The following RORB variants were observed in gnomAD, a reference collection of about 807,000 sequenced individuals.
RORB encodes nuclear receptor ROR-beta.
Under a neutral mutation model 59.1 loss-of-function variants are expected in RORB, and 6 were observed. The observed-to-expected ratio is 0.10, with a 90% CI of 0.06 to 0.20. RORB has a LOEUF of 0.20. RORB is among the 10% of genes least tolerant of loss of function. The probability of loss-of-function intolerance (pLI) is 1.00; values close to 1 mark genes in which losing one functional copy is unlikely to be tolerated. For missense variants in RORB, 320 were observed against 560.5 expected (o/e 0.57, Z 4.33); for synonymous variants, 215 against 204.5 (o/e 1.05, Z -0.44).
chr9:74,516,698 T>G (rs1826015667), intron 1 of RORB, among the ~76,000 whole-genome samples: 1 of 152,064 alleles, frequency 6.6e-6, no homozygotes, highest in African/African-American at 2.4e-5. Flanking sequence ...TCAACTTAAC[T>G]GACATATCAG....
At chr9:74,650,316 G>C (rs1286697215) in intron 4 of RORB, among the ~76,000 whole-genome samples, 1 of 152,200 alleles carries the variant, frequency 6.6e-6, no homozygotes, top group East Asian at 1.9e-4. Context: ...TCCACTGGCT[G>C]GGGTGAATGT....
intron 1 of RORB, among the ~76,000 whole-genome samples, chr9:74,528,879 G>T (rs980401097): frequency 6.6e-6 from 1 of 152,000 alleles, no homozygotes. Flanking sequence ...TTTCCATGAG[G>T]AAATGAGACT....
chr9:74,505,212 T>C (rs1825854291), intron 1 of RORB, among the ~76,000 whole-genome samples: 1 of 152,144 alleles, frequency 6.6e-6, no homozygotes, highest in African/African-American at 2.4e-5. Context: ...TTTGTTTTAA[T>C]ATTTTCAAAT....
intron 1 of RORB, among the ~76,000 whole-genome samples, chr9:74,579,424 A>G (rs1439436696): frequency 6.6e-6 from 1 of 151,998 alleles, no homozygotes; most frequent in East Asian, 1.9e-4. Flanking sequence ...AGCATTTTAA[A>G]CAGGCTGAAT....
chr9:74,650,337 T>C (rs991902669), intron 4 of RORB, among the ~76,000 whole-genome samples: 2 of 152,196 alleles, frequency 1.3e-5, no homozygotes, highest in Non-Finnish European at 2.9e-5. Flanking sequence ...ATTAGCCACA[T>C]TTTCAAGCAC....
chr9:74,562,356 C>A (rs1198401191), intron 1 of RORB, among the ~76,000 whole-genome samples: 2 of 152,122 alleles, frequency 1.3e-5, no homozygotes, highest in Non-Finnish European at 2.9e-5. Flanking sequence ...GTGATTCCTG[C>A]AATCTTCTCT....
At chr9:74,585,657 C>T (rs922168536) in intron 1 of RORB, among the ~76,000 whole-genome samples, 1 of 152,090 alleles carries the variant, frequency 6.6e-6, no homozygotes, top group Non-Finnish European at 1.5e-5. Context: ...CAACTAGTCC[C>T]TTTTTTCTCC....
At chr9:74,617,437 C>T (rs553125070) in intron 1 of RORB, among the ~76,000 whole-genome samples, 1 of 152,158 alleles carries the variant, frequency 6.6e-6, no homozygotes, top group Non-Finnish European at 1.5e-5. Flanking sequence ...TCGACATGTT[C>T]ATACAACAAC....
At chr9:74,583,877 A>T (rs969062809) in intron 1 of RORB, among the ~76,000 whole-genome samples, 1 of 152,246 alleles carries the variant, frequency 6.6e-6, no homozygotes, top group African/African-American at 2.4e-5. Context: ...ATAAAGCAGA[A>T]TTCAGCATTT....
chr9:74,526,386 C>T (rs1826156793), intron 1 of RORB, among the ~76,000 whole-genome samples: 1 of 151,868 alleles, frequency 6.6e-6, no homozygotes, highest in African/African-American at 2.4e-5. Flanking sequence ...ACTGGGCAGT[C>T]AGCAGTAGTG....
At chr9:74,664,669 A>G (rs1014151039) in intron 6 of RORB, among the ~76,000 whole-genome samples, 1 of 152,228 alleles carries the variant, frequency 6.6e-6, no homozygotes, top group African/African-American at 2.4e-5. Context: ...CGTATCAAAG[A>G]CAAGCAGAGA....
intron 4 of RORB, among the ~76,000 whole-genome samples, chr9:74,644,440 A>C (rs73650028): frequency 0.049 from 7,469 of 152,270 alleles, 371 homozygotes; most frequent in African/African-American, 0.13. Context: ...TATTTCTGTT[A>C]TACAGATGCT....
At chr9:74,572,005 G>A (rs1011780486) in intron 1 of RORB, among the ~76,000 whole-genome samples, 80 of 152,138 alleles carry the variant, frequency 5.3e-4, no homozygotes, top group African/African-American at 1.9e-3. Flanking sequence ...AGACCCCTGG[G>A]GAACTTTCTT....
At chr9:74,628,913 G>C (rs1485732063) in intron 1 of RORB, among the ~76,000 whole-genome samples, 1 of 152,054 alleles carries the variant, frequency 6.6e-6, no homozygotes, top group Non-Finnish European at 1.5e-5. Context: ...ATCTTACCAA[G>C]AGGTTCTATA....
At chr9:74,538,654 G>A (rs1826358536) in intron 1 of RORB, among the ~76,000 whole-genome samples, 1 of 150,912 alleles carries the variant, frequency 6.6e-6, no homozygotes, top group Non-Finnish European at 1.5e-5. Flanking sequence ...TTATATATGT[G>A]CATGTATGTA....
intron 1 of RORB, among the ~76,000 whole-genome samples, chr9:74,552,120 G>A (rs2025322): frequency 0.58 from 88,225 of 151,932 alleles, 26,490 homozygotes; most frequent in African/African-American, 0.72. Context: ...GTGAAGCTTC[G>A]ACTAAAGGGT....
At chr9:74,550,578 C>G (rs1411062359) in intron 1 of RORB, among the ~76,000 whole-genome samples, 1 of 152,152 alleles carries the variant, frequency 6.6e-6, no homozygotes, top group African/African-American at 2.4e-5. Context: ...TGGCCAATAC[C>G]AACTTTGGTC....
intron 1 of RORB, among the ~76,000 whole-genome samples, chr9:74,613,247 A>G (rs1823260437): frequency 6.6e-6 from 1 of 152,200 alleles, no homozygotes. Flanking sequence ...GAGTGTTACA[A>G]TCTGATTTCA....
At chr9:74,511,074 G>A (rs1825931051) in intron 1 of RORB, among the ~76,000 whole-genome samples, 1 of 152,140 alleles carries the variant, frequency 6.6e-6, no homozygotes, top group Non-Finnish European at 1.5e-5. Context: ...ACGTATTGCA[G>A]CCTCACAGTG....
Sources: allele counts gnomAD v4.1 joint callset (sites outside exome capture counted in the v4.1 genomes callset), GRCh38; gene constraint gnomAD v4.1.1; transcripts MANE v1.5; gene names NCBI Gene and HGNC (gene_info 2026-07-23, HGNC 2026-07-21).